The following PLAC1 variants were observed in gnomAD, a reference collection of about 807,000 sequenced individuals.
PLAC1 encodes the protein placenta associated 1, also known as placenta-specific protein 1.
For missense variants in PLAC1, 136 were observed against 163.2 expected, an observed-to-expected ratio of 0.83 and a Z score of 0.91; for synonymous variants, 68 against 62.1, an observed-to-expected ratio of 1.09 and a Z score of -0.44.
chrX:134,592,922 T>G (rs1467907357), intron 2 of PLAC1, among the ~76,000 whole-genome samples: 1 of 108,648 alleles, frequency 9.2e-6, no homozygotes, highest in African/African-American at 3.4e-5. Context: ...GAGACGGGGG[T>G]TTCACTGTGT....
At chrX:134,625,754 C>T in intron 1 of PLAC1, among the ~76,000 whole-genome samples, 1 of 111,301 alleles carries the variant, frequency 9.0e-6, no homozygotes, top group Non-Finnish European at 1.9e-5. Flanking sequence ...AGCACTGCCT[C>T]AATCTTTAAC....
rs200319742 is a variant in PLAC1, at chrX:134,744,732, GT to G, written n.90-11214del. ...CTGTGCTCTGCTATTTACAAGCTAC[GT>G]GACTTTGGGCAAACCAGGCTATTGG... On this transcript the variant is annotated intron_variant and non_coding_transcript_variant, in intron 1 of 2. Transcript: ENST00000466797. Among the ~76,000 whole-genome samples the G allele has an allele frequency of 9.0e-3, 1,007 of 111,941 alleles. 10 individuals carry two copies. The highest frequency in any genetic ancestry group is 0.03 in the African/African-American group (935 of 30,815).
At chrX:134,680,604 T>TAAACTAAACAAAACA (rs56218238) in intron 2 of PLAC1, among the ~76,000 whole-genome samples, 1 of 102,631 alleles carries the variant, frequency 9.7e-6, no homozygotes, top group South Asian at 4.1e-4. Flanking sequence ...TAAACTAAAC[T>TAAACTAAACAAAACA]AAACACCTTC....
chrX:134,611,532 TGTATATATGCATATAC>T (rs1420405490), intron 1 of PLAC1, among the ~76,000 whole-genome samples: 1 of 106,350 alleles, frequency 9.4e-6, no homozygotes, highest in Non-Finnish European at 1.9e-5. Context: ...CATATACATA[TGTATATATGCATATAC>T]ACATATGTAT....
At position 134,669,096 on chromosome X, in the gene PLAC1, G is replaced by GGGA. The variant is rs772647280; in HGVS notation, n.174+64336_174+64338dup. On this transcript the variant is annotated intron_variant and non_coding_transcript_variant, in intron 2 of 2. Transcript: ENST00000466797. ...TGAATACCCATCCACAAGGGCAGGA[G>GGGA]GGAGAGGTGTGTGAGTTATTAGGGG... is the stretch of plus-strand genomic sequence containing the variant. Among the ~76,000 whole-genome samples the GGGA allele has an allele frequency of 1.4e-3, 161 of 112,183 alleles. 2 individuals carry two copies. The highest frequency in any genetic ancestry group is 0.014 in the Admixed American group (152 of 10,677).
intron 2 of PLAC1, among the ~76,000 whole-genome samples, chrX:134,713,372 C>T (rs768168905): frequency 1.8e-5 from 2 of 112,390 alleles, no homozygotes; most frequent in South Asian, 3.7e-4. Context: ...TAGTAAGATG[C>T]TTTGCAGCTG....
chrX:134,620,568 G>A (rs773083675), intron 1 of PLAC1, among the ~76,000 whole-genome samples: 1 of 111,875 alleles, frequency 8.9e-6, no homozygotes, highest in East Asian at 2.8e-4. Flanking sequence ...TGTGTGGTAC[G>A]TTAGAAGGAG....
intron 2 of PLAC1, chrX:134,600,960 A>G (rs1257579222): frequency 2.7e-5 from 3 of 110,854 alleles, no homozygotes; most frequent in Admixed American, 1.9e-4. Context: ...GGATCCTCAC[A>G]TCTCAGCCTG....
intron 2 of PLAC1, among the ~76,000 whole-genome samples, chrX:134,592,769 G>T (rs774606866): frequency 1.0e-5 from 1 of 96,976 alleles, no homozygotes; most frequent in East Asian, 3.4e-4. Flanking sequence ...TGTCGCCCAG[G>T]CTGGAGTGCA....
At chrX:134,660,265 C>T (rs1395781431), upstream of PLAC1, among the ~76,000 whole-genome samples, 2 of 110,004 alleles carry the variant, frequency 1.8e-5, no homozygotes, top group African/African-American at 3.3e-5. Flanking sequence ...CCATCATGCC[C>T]AGCTAATTTT....
At chrX:134,741,430 G>A (rs767740890) in intron 1 of PLAC1, among the ~76,000 whole-genome samples, 9 of 111,856 alleles carry the variant, frequency 8.0e-5, no homozygotes, top group African/African-American at 2.9e-4. Flanking sequence ...AAGTAGCAAG[G>A]TAGTTTAGGG....
chrX:134,671,517 G>A (rs905867029), intron 2 of PLAC1, among the ~76,000 whole-genome samples: 4 of 110,701 alleles, frequency 3.6e-5, no homozygotes, highest in African/African-American at 6.6e-5. Context: ...AAGCATGACT[G>A]GGAGGCCTCA....
At chrX:134,690,812 C>G (rs1036936773) in intron 2 of PLAC1, among the ~76,000 whole-genome samples, 2 of 104,125 alleles carry the variant, frequency 1.9e-5, no homozygotes, top group African/African-American at 7.0e-5. Flanking sequence ...AATGGTGGCA[C>G]ACACCTTTAG....
intron 1 of PLAC1, among the ~76,000 whole-genome samples, chrX:134,738,731 G>T (rs1052477414): frequency 8.9e-6 from 1 of 112,356 alleles, no homozygotes; most frequent in Non-Finnish European, 1.9e-5. Context: ...TCTTCCAGGG[G>T]AGCCAGAGAT....
At chrX:134,662,089 T>A (rs1314816862), upstream of PLAC1, among the ~76,000 whole-genome samples, 2 of 110,551 alleles carry the variant, frequency 1.8e-5, no homozygotes, top group East Asian at 5.7e-4. Flanking sequence ...ACATAATTTT[T>A]AAAAAATTAG....
At chrX:134,597,876 G>T (rs778966749) in intron 2 of PLAC1, among the ~76,000 whole-genome samples, 2 of 111,616 alleles carry the variant, frequency 1.8e-5, no homozygotes, top group Non-Finnish European at 3.8e-5. Context: ...TGTTCCCACT[G>T]GTGTTTCTGA....
intron 2 of PLAC1, among the ~76,000 whole-genome samples, chrX:134,665,383 T>C (rs1162041294): frequency 8.9e-6 from 1 of 111,811 alleles, no homozygotes; most frequent in Non-Finnish European, 1.9e-5. Context: ...ATTTACCCAT[T>C]TTATTGCTGA....
chrX:134,709,903 A>G (rs2078622765), intron 2 of PLAC1, among the ~76,000 whole-genome samples: 1 of 112,099 alleles, frequency 8.9e-6, no homozygotes, highest in Non-Finnish European at 1.9e-5. Context: ...CAAATATAGA[A>G]TACCTTTATG....
chrX:134,652,917 C>T (rs964988263), intron 1 of PLAC1, among the ~76,000 whole-genome samples: 1 of 111,904 alleles, frequency 8.9e-6, no homozygotes, highest in African/African-American at 3.2e-5. Context: ...ATGTGAGGTC[C>T]GCGGCTGCTC....
Sources: gnomAD v4.1 joint callset for allele counts (sites outside exome capture counted in the v4.1 genomes callset) on GRCh38, gnomAD v4.1.1 for gene constraint, MANE v1.5 for transcripts, NCBI Gene and HGNC (gene_info 2026-07-23, HGNC 2026-07-21) for gene names.